The following SHPK variants were observed in gnomAD, a reference collection of about 807,000 sequenced individuals.
The protein encoded by SHPK is sedoheptulokinase.
A neutral mutation model predicts 46.3 loss-of-function variants in SHPK; 51 were observed. The ratio of observed to expected loss-of-function variants is 1.10; its 90% CI spans 0.88 to 1.39. SHPK has a LOEUF of 1.39. Among genes scored for constraint, SHPK ranks in the 40% most tolerant of loss-of-function variants. The pLI, the probability that SHPK is intolerant of heterozygous loss-of-function variation, is 0.00. For missense variants in SHPK, 668 were observed against 641.3 expected, an observed-to-expected ratio of 1.04 and a Z score of -0.45; for synonymous variants, 290 against 273.9, an observed-to-expected ratio of 1.06 and a Z score of -0.58.
chr17:3,613,522 C>A (rs1189902682), intron 6 of SHPK, among the ~76,000 whole-genome samples: 3 of 152,164 alleles, frequency 2.0e-5, no homozygotes, highest in Non-Finnish European at 4.4e-5. Context: ...GCGTGTGCCA[C>A]CACACCTGGC....
chr17:3,635,202 G>GAAGAAAGGAAGA lies in SHPK; in HGVS notation c.168+849_168+850insTCTTCCTTTCTT, dbSNP rs879382597. On this transcript the variant is annotated intron_variant, in intron 1 of 6. Coordinates refer to ENST00000225519, the MANE Select transcript of SHPK (RefSeq NM_013276.4). ...GAAAGAAAGGAAAGAATGAAGGAAG[G>GAAGAAAGGAAGA]AAGGAAGGAAGGAAGGAAGGAAGGA... Among the ~76,000 whole-genome samples the GAAGAAAGGAAGA allele has an allele frequency of 1.3e-3, 162 of 121,492 alleles. 1 individual carries two copies. Among genetic ancestry groups the GAAGAAAGGAAGA allele is most frequent in the Non-Finnish European group, 2.1e-3 (118 of 56,358 alleles). 79.7% of individuals were successfully genotyped at this position (121,492 alleles called of 152,430 possible). A position where few individuals can be genotyped will look rare whatever the true frequency, so the allele number is the denominator to read the frequency against.
rs201449504 is a variant in SHPK at position 3,615,850 on chromosome 17, ATTT to A, written c.824-316_824-314del. 5.2e-3 allele frequency among the ~76,000 whole-genome samples: 559 copies of A among 107,592 alleles called. 7 individuals are homozygous for A. Among genetic ancestry groups the A allele is most frequent in the African/African-American group, 0.02 (500 of 25,342 alleles). The allele number at this position is 107,592 out of a possible 152,430, so 70.6% of individuals were successfully genotyped here. A position where few individuals can be genotyped will look rare whatever the true frequency, so the allele number is the denominator to read the frequency against. ...TGTTGAAGAGATGTTGATCAAAGGA[ATTT>A]TTTTTTTTTTTTTTTTTTTGAGACA... On this transcript the variant is annotated intron_variant, in intron 5 of 6. Coordinates refer to ENST00000225519, the MANE Select transcript of SHPK (RefSeq NM_013276.4).
chr17:3,621,807 C>T (rs1423690479), intron 4 of SHPK, among the ~76,000 whole-genome samples: 1 of 151,858 alleles, frequency 6.6e-6, no homozygotes, highest in African/African-American at 2.4e-5. Context: ...CGCACACCAC[C>T]ATGCCCAGCT....
chr17:3,614,528 A>C (rs2075360851), intron 6 of SHPK, among the ~76,000 whole-genome samples: 1 of 137,202 alleles, frequency 7.3e-6, no homozygotes, highest in African/African-American at 2.7e-5. Flanking sequence ...CCATCTCAAA[A>C]AAGAAAAGAA....
intron 4 of SHPK, chr17:3,622,706 C>CT (rs10643273): frequency 0.043 from 9,455 of 220,164 alleles, 24 homozygotes; most frequent in Non-Finnish European, 0.061. Context: ...GTTCTTTTTT[C>CT]TTTTTTTTTT....
intron 5 of SHPK, chr17:3,619,982 G>A (rs1197635050): frequency 4.9e-6 from 1 of 202,718 alleles, no homozygotes; most frequent in African/African-American, 2.4e-5. Flanking sequence ...AATTTTTCAT[G>A]ACACATGAAA....
At chr17:3,636,020 G>A in intron 1 of SHPK, 32 bp downstream of exon 1, 1 of 1,512,082 alleles carries the variant, frequency 6.6e-7, no homozygotes, top group East Asian at 2.5e-5. Flanking sequence ...GGAGGCTCCT[G>A]GAGGCGGCGC....
chr17:3,616,613 A>G (rs2075372677), intron 5 of SHPK, among the ~76,000 whole-genome samples: 2 of 152,232 alleles, frequency 1.3e-5, no homozygotes, highest in African/African-American at 4.8e-5. Flanking sequence ...TTTGTTACAC[A>G]GCAAAAGAAA....
In SHPK at chr17:3,615,422, G is replaced by C. The variant is rs2075366449; in HGVS notation, c.939C>G (p.Thr313=). The change falls in exon 6 of 7, where the codon ACC becomes ACG. Residue 313 remains threonine, a synonymous_variant. Transcript: ENST00000225519. ...TGAGTGACGCGGCCACCCCCAGGTA[G>C]GTCCTGTTGAAGTATGGGAAGTAGG... is the stretch of plus-strand genomic sequence containing the variant. ...PVAYFPYFNR[T]YLGVAASLNG... The C allele has an allele frequency of 6.2e-7, 1 of 1,614,100 alleles. No homozygotes were observed. The highest frequency in any genetic ancestry group is 8.5e-7 in the Non-Finnish European group (1 of 1,180,038).
Position 3,622,588 on chromosome 17 carries a change from T to C in SHPK, c.647+751A>G, listed in dbSNP as rs531828351. On this transcript the variant is annotated intron_variant, in intron 4 of 6. Transcript: ENST00000225519. ...TTGTTTTATTTCAGAGCTCAGAATT[T>C]GGGCCCTGAAGGAAGTGAACTTACA... The C allele has an allele frequency of 1.6e-5, 16 of 985,214 alleles. No individual in the cohort carries two copies. The Admixed American group carries it at 3.7e-4, about 23-fold the overall frequency. The allele number at this position is 985,214 out of a possible 1,614,324, so 61.0% of individuals were successfully genotyped here.
chr17:3,627,357 C>T (rs534190705), intron 2 of SHPK, among the ~76,000 whole-genome samples: 5 of 152,256 alleles, frequency 3.3e-5, no homozygotes, highest in African/African-American at 9.6e-5. Context: ...CCCTCCAGCT[C>T]GCTCCGGGTG....
intron 1 of SHPK, among the ~76,000 whole-genome samples, chr17:3,631,403 T>A (rs376624465): frequency 6.6e-6 from 1 of 150,594 alleles, no homozygotes; most frequent in Non-Finnish European, 1.5e-5. Flanking sequence ...CACTGTCCAA[T>A]ACTGAAATCG....
chr17:3,621,383 AGGTG>A lies in SHPK; in HGVS notation c.673_676del (p.His225CysfsTer116). ...GCCAGGCTCGGCGATGTCTGGGAGC[AGGTG>A]GACAGGAAAACCCGAGCTCCTCAGT... On this transcript the variant is annotated frameshift_variant, in exon 5 of 7. Coordinates refer to ENST00000225519, the MANE Select transcript of SHPK (RefSeq NM_013276.4). LOFTEE classifies it high-confidence loss of function. 1.2e-6 allele frequency: 2 copies of A among 1,614,076 alleles called. No homozygotes were observed. The highest frequency in any genetic ancestry group is 1.7e-6 in the Non-Finnish European group (2 of 1,179,966).
At chr17:3,630,796 G>A (rs974326759) in intron 1 of SHPK, among the ~76,000 whole-genome samples, 19 of 152,112 alleles carry the variant, frequency 1.2e-4, no homozygotes, top group South Asian at 2.1e-4. Flanking sequence ...TCTGGGAGGC[G>A]GAGGTTGCGG....
chr17:3,630,778 C>T (rs1802174080), intron 1 of SHPK, among the ~76,000 whole-genome samples: 1 of 152,230 alleles, frequency 6.6e-6, no homozygotes. Flanking sequence ...GCAGGAGAAT[C>T]GGTTGAATCT....
rs371958939 is a variant in SHPK, at chr17:3,631,512, CTTT to C, written c.169-1169_169-1167del. Among the ~76,000 whole-genome samples the C allele has an allele frequency of 1.2e-3, 66 of 53,044 alleles. 1 individual carries two copies. Among genetic ancestry groups the C allele is most frequent in the African/African-American group, 5.2e-3 (59 of 11,288 alleles). The allele number at this position is 53,044 out of a possible 152,430, so 34.8% of individuals were successfully genotyped here. ...AAAATATACACTATCTAATTTAATG[CTTT>C]TTTTTTTTTTTTTTTTTTTTTTTTA... On this transcript the variant is annotated intron_variant, in intron 1 of 6. Coordinates refer to ENST00000225519, the MANE Select transcript of SHPK (RefSeq NM_013276.4).
chr17:3,634,521 G>C (rs1271191318), intron 1 of SHPK, among the ~76,000 whole-genome samples: 1 of 140,776 alleles, frequency 7.1e-6, no homozygotes, highest in African/African-American at 2.7e-5. Context: ...TCAGTGAGCA[G>C]AGATTGCACC....
At chr17:3,617,797 C>T (rs1352513830) in intron 5 of SHPK, among the ~76,000 whole-genome samples, 1 of 152,116 alleles carries the variant, frequency 6.6e-6, no homozygotes, top group African/African-American at 2.4e-5. Context: ...TGCCTGTTTA[C>T]CTCCTACCCC....
chr17:3,615,425 C>G lies in SHPK; in HGVS notation c.936G>C (p.Arg312Ser). 1 of 1,614,168 alleles carries G rather than the reference C, an allele frequency of 6.2e-7. No individual in the cohort carries two copies. Among genetic ancestry groups the G allele is most frequent in the South Asian group, 1.1e-5 (1 of 91,078 alleles). Residue 312 changes from arginine to serine, a missense_variant, in exon 6 of 7, where the codon AGG (arginine) becomes AGC (serine). Transcript: ENST00000225519. ...APVAYFPYFN[R>S]TYLGVAASLN... ...GTGACGCGGCCACCCCCAGGTAGGT[C>G]CTGTTGAAGTATGGGAAGTAGGCGA...
Sources: gnomAD v4.1 joint callset for allele counts (sites outside exome capture counted in the v4.1 genomes callset) on GRCh38, gnomAD v4.1.1 for gene constraint, MANE v1.5 for transcripts, NCBI Gene and HGNC (gene_info 2026-07-23, HGNC 2026-07-21) for gene names.